DPCD: variants seen among roughly 807,000 people sequenced by gnomAD.
DPCD encodes the protein protein DPCD.
Under a neutral mutation model 26.4 loss-of-function variants are expected in DPCD, and 20 were observed. That is an observed-to-expected ratio of 0.76 (90% CI 0.53 to 1.10). DPCD has a LOEUF of 1.10. Among genes scored for constraint, DPCD ranks in the 50% least tolerant of loss-of-function variants. The probability of loss-of-function intolerance (pLI) is 0.00; values close to 1 mark genes in which losing one functional copy is unlikely to be tolerated. For synonymous variants in DPCD, 97 were observed against 94.2 expected, an observed-to-expected ratio of 1.03 and a Z score of -0.17; for missense variants, 202 against 253.9, an observed-to-expected ratio of 0.80 and a Z score of 1.39.
intron 2 of DPCD, chr10:101,596,618 C>A (rs960725189): frequency 1.3e-5 from 2 of 152,142 alleles, no homozygotes; most frequent in Admixed American, 1.3e-4. Flanking sequence ...GACTGATGGG[C>A]AGACAGGAGG....
At chr10:101,594,555 A>C (rs751206719) in intron 1 of DPCD, 103 bp from the exon 2 acceptor site, 1 of 1,161,154 alleles carries the variant, frequency 8.6e-7, no homozygotes, top group South Asian at 1.3e-5. Context: ...TGGGTTCCTC[A>C]GTACTCCCAA....
intron 4 of DPCD, 58 bp from the exon 5 acceptor site, chr10:101,608,777 C>T (rs1412529641): frequency 1.3e-5 from 15 of 1,182,264 alleles, no homozygotes; most frequent in Admixed American, 3.5e-5. Flanking sequence ...GAGGGCCTGA[C>T]GCCTGGCTGT....
chr10:101,588,505 G>A, intron 1 of DPCD, 105 bp downstream of exon 1: 4 of 1,506,776 alleles, frequency 2.7e-6, no homozygotes, highest in South Asian at 1.2e-5. Flanking sequence ...GGGTCTCGGC[G>A]GTCAGCCGGG....
intron 4 of DPCD, among the ~76,000 whole-genome samples, chr10:101,602,390 C>T (rs1354403286): frequency 6.6e-6 from 1 of 152,216 alleles, no homozygotes; most frequent in African/African-American, 2.4e-5. Context: ...GCCCTGGGTG[C>T]TGCCATCCTC....
intron 2 of DPCD, among the ~76,000 whole-genome samples, chr10:101,595,609 A>G (rs1250088029): frequency 6.6e-6 from 1 of 152,172 alleles, no homozygotes; most frequent in Non-Finnish European, 1.5e-5. Context: ...GACAGCTCAT[A>G]AATGTCTAGA....
Position 101,603,384 on chromosome 10 carries a change from A to T in DPCD, c.404+2048A>T, listed in dbSNP as rs1387362874. Among the ~76,000 whole-genome samples the T allele has an allele frequency of 1.3e-5, 2 of 151,056 alleles. No individual in the cohort carries two copies. The highest frequency in any genetic ancestry group is 2.9e-5 in the Non-Finnish European group (2 of 67,976). ...ATTATTATTAATTTGGAAGGGAGAGATTTATTTCTCATCAGGGGTTACAGC... is the reference window on the plus strand; with the variant it reads ...ATTATTATTAATTTGGAAGGGAGAGTTTTATTTCTCATCAGGGGTTACAGC... On this transcript the variant is annotated intron_variant, in intron 4 of 5. Coordinates refer to ENST00000370151, the MANE Select transcript of DPCD (RefSeq NM_015448.3). The surrounding 1 kb of genome is among the most constrained non-coding windows in gnomAD (Gnocchi z 4.6).
At chr10:101,591,496 G>A (rs1434246951) in intron 1 of DPCD, among the ~76,000 whole-genome samples, 1 of 152,090 alleles carries the variant, frequency 6.6e-6, no homozygotes, top group Non-Finnish European at 1.5e-5. Context: ...TTACCCCTGG[G>A]TGTGTAGGAG....
At chr10:101,592,213 A>T (rs758039877) in intron 1 of DPCD, among the ~76,000 whole-genome samples, 2 of 152,194 alleles carry the variant, frequency 1.3e-5, no homozygotes, top group Non-Finnish European at 2.9e-5. Context: ...GAAAGAAAAT[A>T]TATAGTTGGC....
intron 4 of DPCD, among the ~76,000 whole-genome samples, chr10:101,605,949 A>G (rs2063730461): frequency 1.3e-5 from 2 of 152,208 alleles, no homozygotes; most frequent in Non-Finnish European, 2.9e-5. Context: ...GAAGTAACCA[A>G]CCTGAGAGAG....
In DPCD at chr10:101,600,651, G is replaced by A. The variant is rs560293997; in HGVS notation, c.146-87G>A. 69 of 1,526,160 alleles carry A rather than the reference G, an allele frequency of 4.5e-5. No individual in the cohort carries two copies. In the African/African-American group the frequency reaches 6.0e-4, roughly 13 times the overall value. 94.5% of individuals were successfully genotyped at this position (1,526,160 alleles called of 1,614,324 possible). On this transcript the variant is annotated intron_variant, in intron 2 of 5. Coordinates refer to ENST00000370151, the MANE Select transcript of DPCD (RefSeq NM_015448.3). The surrounding 1 kb of genome is among the most constrained non-coding windows in gnomAD (Gnocchi z 4.7). ...TGTGCTAGTTACCTAGTGTGGTGCC[G>A]GTGATTCAGCAGAAAAGAGCAGAGA...
Position 101,594,747 on chromosome 10 carries a change from C to CA in DPCD, c.145+10dup, listed in dbSNP as rs770248652. The CA allele has an allele frequency of 5.0e-6, 8 of 1,613,382 alleles. No homozygotes were observed. The Admixed American group carries it at 1.3e-4, about 27-fold the overall frequency. On this transcript the variant is annotated intron_variant, in intron 2 of 5. Coordinates refer to ENST00000370151, the MANE Select transcript of DPCD (RefSeq NM_015448.3). ...GACGAGTGAACTACTTGGTAAGTGA[C>CA]AGAGGCTCCCAGTGGGCCTTTAGTA...
intron 2 of DPCD, among the ~76,000 whole-genome samples, chr10:101,598,915 C>T (rs945302337): frequency 5.9e-5 from 9 of 152,092 alleles, no homozygotes; most frequent in Admixed American, 4.6e-4. Context: ...CCACCACGCC[C>T]GGCCTGGAGT....
rs375315178 is a variant in DPCD, at chr10:101,601,216, G to A, written c.284G>A (p.Arg95His). 2.0e-5 allele frequency: 33 copies of A among 1,613,554 alleles called. No homozygotes were observed. The highest frequency in any genetic ancestry group is 2.5e-5 in the Non-Finnish European group (30 of 1,179,916). ...KESNANPIFM[R>H]KDTKMSFQWR... ...TGCCTTCTGCAGCCTATCTTCATGCGCAAGGACACCAAGATGAGTTTCCAG... is the reference window on the plus strand; with the variant it reads ...TGCCTTCTGCAGCCTATCTTCATGCACAAGGACACCAAGATGAGTTTCCAG... The change falls in exon 4 of 6, where the codon CGC becomes CAC. Residue 95 changes from arginine to histidine, a missense_variant. Around this residue, in one of 3 missense-constraint regions of DPCD, gnomAD observed 118 missense variants for 145.1 expected, o/e 0.81. Transcript: ENST00000370151.
chr10:101,597,734 A>G (rs17114117), intron 2 of DPCD, among the ~76,000 whole-genome samples: 2,225 of 152,324 alleles, frequency 0.015, 48 homozygotes, highest in African/African-American at 0.051. Flanking sequence ...ATATAATCAA[A>G]TCAGAGTGAC....
chr10:101,589,856 C>T (rs940950102), intron 1 of DPCD, among the ~76,000 whole-genome samples: 3 of 152,072 alleles, frequency 2.0e-5, no homozygotes, highest in African/African-American at 7.2e-5. Context: ...TGCATTCCAG[C>T]CTGGGTGACA....
chr10:101,607,123 G>A (rs1008909932), intron 4 of DPCD, among the ~76,000 whole-genome samples: 1 of 152,170 alleles, frequency 6.6e-6, no homozygotes, highest in Non-Finnish European at 1.5e-5. Flanking sequence ...CCAGCCTGGG[G>A]GAATGGTTCT....
intron 2 of DPCD, among the ~76,000 whole-genome samples, chr10:101,597,214 A>C (rs1247081377): frequency 6.6e-6 from 1 of 152,210 alleles, no homozygotes; most frequent in African/African-American, 2.4e-5. Context: ...TTTGACCGCC[A>C]GCCTAACCAC....
At chr10:101,602,172 T>A in intron 4 of DPCD, among the ~76,000 whole-genome samples, 1 of 151,508 alleles carries the variant, frequency 6.6e-6, no homozygotes, top group East Asian at 1.9e-4. Context: ...AGATGGGAGG[T>A]TTTATAAGTT....
chr10:101,590,281 T>C (rs1205298740), intron 1 of DPCD, among the ~76,000 whole-genome samples: 1 of 151,968 alleles, frequency 6.6e-6, no homozygotes, highest in African/African-American at 2.4e-5. Flanking sequence ...GGTGCCAGGA[T>C]GGAAGCGAGA....
Sources: gnomAD v4.1 joint callset for allele counts (sites outside exome capture counted in the v4.1 genomes callset) on GRCh38, gnomAD v4.1.1 for gene constraint, gnomAD v4.1.1 regional missense constraint, Gnocchi (gnomAD v3.1) non-coding constraint, MANE v1.5 for transcripts, NCBI Gene and HGNC (gene_info 2026-07-23, HGNC 2026-07-21) for gene names.